SLC23A2: variants seen among roughly 807,000 people sequenced by gnomAD.
SLC23A2 encodes solute carrier family 23 member 2.
A neutral mutation model predicts 73.3 loss-of-function variants in SLC23A2; 36 were observed. The observed-to-expected ratio is 0.49, with a 90% CI of 0.38 to 0.65. The LOEUF (loss-of-function observed/expected upper bound fraction) is 0.65. Among genes scored for constraint, SLC23A2 ranks in the 30% least tolerant of loss-of-function variants. The pLI is 0.00. For missense variants in SLC23A2, 507 were observed against 841.6 expected, an observed-to-expected ratio of 0.60 and a Z score of 4.92; for synonymous variants, 343 against 327.3, an observed-to-expected ratio of 1.05 and a Z score of -0.52.
chr20:4,870,255 G>A (rs766460212), intron 11 of SLC23A2, among the ~76,000 whole-genome samples: 31 of 152,150 alleles, frequency 2.0e-4, no homozygotes, highest in Non-Finnish European at 3.5e-4. Flanking sequence ...GCCATAATGA[G>A]GACTGATGTG....
chr20:4,909,871 C>G (rs533266610), intron 4 of SLC23A2, among the ~76,000 whole-genome samples: 1 of 151,948 alleles, frequency 6.6e-6, no homozygotes, highest in Non-Finnish European at 1.5e-5. Context: ...CAGAAAAGGT[C>G]TCTAACAAAA....
chr20:4,935,477 C>T (rs2086948033), intron 2 of SLC23A2, among the ~76,000 whole-genome samples: 1 of 152,108 alleles, frequency 6.6e-6, no homozygotes, highest in Non-Finnish European at 1.5e-5. Context: ...CACTACAACA[C>T]TGCAAAGTCT....
At chr20:4,901,575 C>T (rs752139996) in intron 5 of SLC23A2, among the ~76,000 whole-genome samples, 9 of 152,146 alleles carry the variant, frequency 5.9e-5, no homozygotes, top group Non-Finnish European at 1.2e-4. Context: ...TCAAAGACGC[C>T]GGAGGCCTCC....
At chr20:4,983,838 C>T (rs2087773370) in intron 1 of SLC23A2, among the ~76,000 whole-genome samples, 1 of 151,422 alleles carries the variant, frequency 6.6e-6, no homozygotes, top group South Asian at 2.1e-4. Flanking sequence ...TGCCTGTAAT[C>T]CCTGCTATTC....
chr20:4,998,741 G>C lies in SLC23A2; in HGVS notation c.-282+2665C>G, dbSNP rs150143211. ...GCCTAAGAGGATTAAATATAAATACGTTTTTAAAAAGCTTCAATTTACATG... is the reference window on the plus strand; with the variant it reads ...GCCTAAGAGGATTAAATATAAATACCTTTTTAAAAAGCTTCAATTTACATG... On this transcript the variant is annotated intron_variant, in intron 1 of 16. Coordinates refer to ENST00000338244, the MANE Select transcript of SLC23A2 (RefSeq NM_005116.6). This position sits in a 1 kb window ranked among gnomAD's most constrained non-coding sequence, Gnocchi z 4.1. 1.3e-5 allele frequency among the ~76,000 whole-genome samples: 2 copies of C among 151,172 alleles called. No individual in the cohort carries two copies. Among genetic ancestry groups the C allele is most frequent in the African/African-American group, 2.4e-5 (1 of 41,154 alleles).
intron 12 of SLC23A2, chr20:4,869,641 T>A (rs549876182): frequency 2.3e-6 from 1 of 426,884 alleles, no homozygotes; most frequent in South Asian, 4.2e-5. Context: ...GCAGAGAGTG[T>A]GTTATTTGAT....
chr20:4,889,893 T>A (rs1266648558), intron 6 of SLC23A2, among the ~76,000 whole-genome samples: 3 of 147,296 alleles, frequency 2.0e-5, no homozygotes, highest in Non-Finnish European at 4.4e-5. Context: ...TGGTTTTGAC[T>A]GCACATTTGG....
intron 16 of SLC23A2, among the ~76,000 whole-genome samples, chr20:4,859,036 C>T (rs111985403): frequency 0.012 from 1,765 of 152,300 alleles, 36 homozygotes; most frequent in African/African-American, 0.041. Context: ...TCTCACCAAA[C>T]GCAGCGAACT....
chr20:4,864,633 G>A (rs1930120757), intron 13 of SLC23A2, among the ~76,000 whole-genome samples: 1 of 152,228 alleles, frequency 6.6e-6, no homozygotes, highest in African/African-American at 2.4e-5. Flanking sequence ...CTTGTGACTT[G>A]TTAGACTGGG....
At chr20:4,952,831 T>A (rs149106536) in intron 2 of SLC23A2, among the ~76,000 whole-genome samples, 1 of 152,118 alleles carries the variant, frequency 6.6e-6, no homozygotes, top group Non-Finnish European at 1.5e-5. Context: ...AAGACCAGCC[T>A]GATCAACATG....
intron 3 of SLC23A2, among the ~76,000 whole-genome samples, chr20:4,925,263 T>C (rs191978486): frequency 6.6e-6 from 1 of 152,052 alleles, no homozygotes; most frequent in East Asian, 1.9e-4. Flanking sequence ...GACCTGTGAG[T>C]GGCACACAGT....
At chr20:4,890,589 T>C (rs1170965228) in intron 6 of SLC23A2, among the ~76,000 whole-genome samples, 7 of 151,904 alleles carry the variant, frequency 4.6e-5, no homozygotes, top group Admixed American at 4.6e-4. Flanking sequence ...AAGGTGGAGG[T>C]TGCAAGTGAG....
At chr20:4,877,305 T>C (rs888721824) in intron 9 of SLC23A2, among the ~76,000 whole-genome samples, 2 of 152,218 alleles carry the variant, frequency 1.3e-5, no homozygotes, top group African/African-American at 4.8e-5. Flanking sequence ...TTTCAGCATT[T>C]TTTTTGGTAG....
In SLC23A2 at chr20:4,862,172, C is replaced by T. The variant is rs895768794; in HGVS notation, c.1487-87G>A. 3 of 1,336,358 alleles carry T rather than the reference C, an allele frequency of 2.2e-6. No individual in the cohort carries two copies. Among genetic ancestry groups the T allele is most frequent in the Admixed American group, 1.9e-5 (1 of 51,754 alleles). The allele number at this position is 1,336,358 out of a possible 1,614,324, so 82.8% of individuals were successfully genotyped here. A position where few individuals can be genotyped will look rare whatever the true frequency, so the allele number is the denominator to read the frequency against. ...AGGTGAGGGCAGGCTCCCTGGCACCCCTTCTCTGTCCAACAGAAACCAATG... is the reference window on the plus strand; with the variant it reads ...AGGTGAGGGCAGGCTCCCTGGCACCTCTTCTCTGTCCAACAGAAACCAATG... On this transcript the variant is annotated intron_variant, in intron 14 of 16. Coordinates refer to ENST00000338244, the MANE Select transcript of SLC23A2 (RefSeq NM_005116.6). This position sits in a 1 kb window ranked among gnomAD's most constrained non-coding sequence, Gnocchi z 5.1.
intron 2 of SLC23A2, among the ~76,000 whole-genome samples, chr20:4,969,579 CCTT>C (rs2087530066): frequency 6.7e-6 from 1 of 148,746 alleles, no homozygotes; most frequent in African/African-American, 2.5e-5. Flanking sequence ...CTGACAGCAT[CCTT>C]TTTTTTTTTT....
intron 4 of SLC23A2, among the ~76,000 whole-genome samples, chr20:4,911,909 T>G (rs913021886): frequency 2.2e-4 from 34 of 152,232 alleles, no homozygotes; most frequent in Admixed American, 9.8e-4. Flanking sequence ...AGAAGCATGA[T>G]CTTAGCTCAC....
chr20:4,951,671 T>C (rs763416673), intron 2 of SLC23A2, among the ~76,000 whole-genome samples: 1 of 152,024 alleles, frequency 6.6e-6, no homozygotes, highest in Non-Finnish European at 1.5e-5. Context: ...CTCTGCAGGA[T>C]GAAAAAAAGT....
chr20:4,888,038 C>T (rs1329077685), intron 6 of SLC23A2, among the ~76,000 whole-genome samples: 2 of 152,184 alleles, frequency 1.3e-5, no homozygotes, highest in African/African-American at 4.8e-5. Flanking sequence ...CAAGGCACGG[C>T]CCCTGTCGTA....
chr20:4,991,156 G>A (rs951394267), intron 1 of SLC23A2, among the ~76,000 whole-genome samples: 1 of 151,944 alleles, frequency 6.6e-6, no homozygotes, highest in Non-Finnish European at 1.5e-5. Context: ...TGCCCAGGCT[G>A]GAGTGCGGTG....
Sources: allele counts gnomAD v4.1 joint callset (sites outside exome capture counted in the v4.1 genomes callset), GRCh38; gene constraint gnomAD v4.1.1; non-coding constraint Gnocchi (gnomAD v3.1); transcripts MANE v1.5; gene names NCBI Gene and HGNC (gene_info 2026-07-23, HGNC 2026-07-21).